ADGRL3: variants seen among roughly 807,000 people sequenced by gnomAD.
ADGRL3 encodes the protein adhesion G protein-coupled receptor L3.
A neutral mutation model predicts 153.5 loss-of-function variants in ADGRL3; 62 were observed. That is an observed-to-expected ratio of 0.40 (90% CI 0.33 to 0.50). The LOEUF is 0.50. Among genes scored for constraint, ADGRL3 ranks in the 20% least tolerant of loss-of-function variants. The pLI is 0.47. For synonymous variants in ADGRL3, 710 were observed against 672.5 expected (o/e 1.06, Z -0.86); for missense variants, 1,641 against 1,859.4 (o/e 0.88, Z 2.16).
chr4:62,011,616 A>C (rs12509427), intron 21 of ADGRL3, among the ~76,000 whole-genome samples: 18,689 of 152,124 alleles, frequency 0.12, 1,401 homozygotes, highest in East Asian at 0.28. Flanking sequence ...TGTTTTCTCA[A>C]ATCCAAAGGC....
rs3065140 is a variant in ADGRL3, at chr4:61,993,164, T to TTGTGTGTGTGTG, written c.3237-3101_3237-3090dup. 1.4e-3 allele frequency among the ~76,000 whole-genome samples: 195 copies of TTGTGTGTGTGTG among 138,496 alleles called. 1 individual carries two copies. The highest frequency in any genetic ancestry group is 5.8e-3 in the East Asian group (27 of 4,678). The allele number at this position is 138,496 out of a possible 152,430, so 90.9% of individuals were successfully genotyped here. A position where few individuals can be genotyped will look rare whatever the true frequency, so the allele number is the denominator to read the frequency against. ...TTTCAGCAGCATTCATGGGCTGCAG[T>TTGTGTGTGTGTG]TGTGTGTGTGTGTGTGTGTGTGTGT... On this transcript the variant is annotated intron_variant, in intron 19 of 26. Coordinates refer to ENST00000683033, the MANE Select transcript of ADGRL3 (RefSeq NM_001387552.1).
At chr4:61,793,244 G>T (rs2097366352) in intron 8 of ADGRL3, among the ~76,000 whole-genome samples, 2 of 152,072 alleles carry the variant, frequency 1.3e-5, no homozygotes. Context: ...CTAACATGGT[G>T]AAACCCCGTC....
chr4:61,405,857 T>C (rs2096988262), intron 2 of ADGRL3, among the ~76,000 whole-genome samples: 1 of 151,970 alleles, frequency 6.6e-6, no homozygotes, highest in Admixed American at 6.6e-5. Flanking sequence ...CGCATTTTCT[T>C]CTGTATAATT....
At chr4:61,595,777 C>G (rs959973865) in intron 5 of ADGRL3, among the ~76,000 whole-genome samples, 4 of 152,098 alleles carry the variant, frequency 2.6e-5, no homozygotes, top group African/African-American at 9.7e-5. Context: ...TTACCTAGGA[C>G]CCCAGAGCAC....
intron 9 of ADGRL3, among the ~76,000 whole-genome samples, chr4:61,843,240 A>G (rs571651280): frequency 6.6e-6 from 1 of 152,304 alleles, no homozygotes; most frequent in South Asian, 2.1e-4. Flanking sequence ...ATATAAACTT[A>G]TAGATATGCA....
intron 8 of ADGRL3, among the ~76,000 whole-genome samples, chr4:61,747,128 G>A (rs184465704): frequency 1.2e-4 from 19 of 152,158 alleles, no homozygotes; most frequent in South Asian, 1.2e-3. Context: ...TAAATTCCTC[G>A]ACACATACAC....
At position 62,068,179 on chromosome 4, in the gene ADGRL3, G is replaced by T. The variant is rs1221860656; in HGVS notation, c.3828G>T (p.Glu1276Asp). ...SASLNREPYR[E>D]TKGLLNNARD... ...GCTGTCGTTTAGAGCCCTACAGAGA[G>T]ACAAGTATGGGAGTAAAGCTAAACA... The change falls in exon 26 of 27, where the codon GAG becomes GAT. Residue 1276 changes from glutamate to aspartate, a missense_variant. Glu to Asp is a conservative substitution (Grantham distance 45, BLOSUM62 2). This residue lies in a region of ADGRL3 where 517 missense variants were observed against 555.0 expected (regional missense o/e 0.93). Transcript: ENST00000683033. 1 of 1,581,110 alleles carries T rather than the reference G, an allele frequency of 6.3e-7. No homozygotes were observed. Among genetic ancestry groups the T allele is most frequent in the Non-Finnish European group, 8.5e-7 (1 of 1,171,394 alleles).
rs547884451 is a variant in ADGRL3, at chr4:61,476,225, T to A, written c.-173-20896T>A. On this transcript the variant is annotated intron_variant, in intron 2 of 26. Transcript: ENST00000683033. ...AGTTTATAAGGGCAATAACTCTTCT[T>A]TTATTTTTTTTATTTTTTTGAGAGA... 3.3e-5 allele frequency among the ~76,000 whole-genome samples: 5 copies of A among 152,210 alleles called. No homozygotes were observed. The East Asian group carries it at 9.8e-4, about 30-fold the overall frequency.
At chr4:62,030,555 A>G (rs1721466442) in intron 22 of ADGRL3, among the ~76,000 whole-genome samples, 1 of 151,586 alleles carries the variant, frequency 6.6e-6, no homozygotes, top group African/African-American at 2.4e-5. Flanking sequence ...GAATTTTGTT[A>G]CCTGCTTATA....
chr4:61,793,165 C>T (rs549528089), intron 8 of ADGRL3, among the ~76,000 whole-genome samples: 1 of 152,178 alleles, frequency 6.6e-6, no homozygotes, highest in East Asian at 1.9e-4. Context: ...TGGCTCATGC[C>T]TGTAATCCCA....
chr4:61,938,431 T>C (rs2098848560), intron 15 of ADGRL3, among the ~76,000 whole-genome samples: 2 of 152,324 alleles, frequency 1.3e-5, no homozygotes, highest in South Asian at 4.1e-4. Flanking sequence ...TCTTCCATTA[T>C]GTAGCTCTCA....
intron 6 of ADGRL3, among the ~76,000 whole-genome samples, chr4:61,690,937 C>A (rs896314179): frequency 4.6e-5 from 7 of 152,140 alleles, no homozygotes; most frequent in African/African-American, 9.7e-5. Flanking sequence ...CTAAGAATTT[C>A]TCCTTCCACT....
At chr4:61,800,710 G>A (rs953860684) in intron 8 of ADGRL3, among the ~76,000 whole-genome samples, 1 of 152,160 alleles carries the variant, frequency 6.6e-6, no homozygotes, top group African/African-American at 2.4e-5. Flanking sequence ...GGGTTATCCT[G>A]AACAGGTAGC....
At chr4:61,980,719 G>A (rs1371978763) in intron 18 of ADGRL3, among the ~76,000 whole-genome samples, 2 of 152,142 alleles carry the variant, frequency 1.3e-5, no homozygotes, top group Non-Finnish European at 2.9e-5. Context: ...GGGATTACAG[G>A]TGTGAGGCAC....
chr4:61,735,303 A>G (rs1029737743), intron 8 of ADGRL3, among the ~76,000 whole-genome samples: 26 of 152,244 alleles, frequency 1.7e-4, no homozygotes, highest in African/African-American at 5.3e-4. Flanking sequence ...AGTCAGAGTG[A>G]CAGCACTTGT....
chr4:61,441,084 C>G (rs2097523767), intron 2 of ADGRL3, among the ~76,000 whole-genome samples: 1 of 152,144 alleles, frequency 6.6e-6, no homozygotes, highest in Admixed American at 6.5e-5. Flanking sequence ...GACCCATTCT[C>G]ATGGCATCAA....
At chr4:61,754,618 A>C (rs1453043853) in intron 8 of ADGRL3, among the ~76,000 whole-genome samples, 2 of 150,478 alleles carry the variant, frequency 1.3e-5, no homozygotes, top group Admixed American at 1.3e-4. Context: ...ATATATATAT[A>C]TTTATTTATT....
intron 1 of ADGRL3, among the ~76,000 whole-genome samples, chr4:61,333,458 G>A (rs1422871489): frequency 6.6e-6 from 1 of 152,092 alleles, no homozygotes; most frequent in African/African-American, 2.4e-5. Flanking sequence ...TTGAAGTGTG[G>A]TGTATCACTT....
intron 25 of ADGRL3, among the ~76,000 whole-genome samples, chr4:62,051,630 A>C (rs79074541): frequency 0.026 from 3,979 of 151,792 alleles, 184 homozygotes; most frequent in African/African-American, 0.092. Flanking sequence ...AATAATAAAC[A>C]GTTTGTATTT....
Sources: gnomAD v4.1 joint callset for allele counts (sites outside exome capture counted in the v4.1 genomes callset) on GRCh38, gnomAD v4.1.1 for gene constraint, gnomAD v4.1.1 regional missense constraint, MANE v1.5 for transcripts, NCBI Gene and HGNC (gene_info 2026-07-23, HGNC 2026-07-21) for gene names.